The following ERICH1 variants were observed in gnomAD, a reference collection of about 807,000 sequenced individuals.
ERICH1 encodes the protein glutamate-rich protein 1.
A neutral mutation model predicts 39.6 loss-of-function variants in ERICH1; 56 were observed. That is an observed-to-expected ratio of 1.41 (90% confidence interval 1.14 to 1.77). The LOEUF is 1.77. Among genes scored for constraint, ERICH1 ranks in the 40% most tolerant of loss-of-function variants. The pLI is 0.00. For missense variants in ERICH1, 826 were observed against 575.4 expected, an observed-to-expected ratio of 1.44 and a Z score of -4.45; for synonymous variants, 313 against 223.6, an observed-to-expected ratio of 1.40 and a Z score of -3.57.
intron 3 of ERICH1, among the ~76,000 whole-genome samples, chr8:621,422 C>T (rs1000831637): frequency 6.6e-6 from 1 of 151,820 alleles, no homozygotes; most frequent in Admixed American, 6.6e-5. Flanking sequence ...CTTGATATAA[C>T]CATTTAACAA....
At chr8:638,805 G>T (rs1253732510) in intron 3 of ERICH1, among the ~76,000 whole-genome samples, 4 of 152,138 alleles carry the variant, frequency 2.6e-5, no homozygotes, top group Admixed American at 2.0e-4. Context: ...GACTCATTTT[G>T]ACCCCGGCCT....
At chr8:674,479 T>G (rs1337816638) in intron 3 of ERICH1, among the ~76,000 whole-genome samples, 1 of 152,124 alleles carries the variant, frequency 6.6e-6, no homozygotes, top group Non-Finnish European at 1.5e-5. Flanking sequence ...ATTTTTTTTA[T>G]TTTCAGTAGA....
In ERICH1 at chr8:673,434, C is replaced by G. The variant is rs377144371; in HGVS notation, c.918G>C (p.Pro306=). ...CACCCTCTTCCTCCCCAGCCCATGT[C>G]GGGTCTTCCTCGCTGGCGTCCGCAC... ...EDGADASEED[P]TWAGEEEGAD... The change falls in exon 4 of 6, where the codon CCG becomes CCC. Residue 306 remains proline, a synonymous_variant. Coordinates refer to ENST00000262109, the MANE Select transcript of ERICH1 (RefSeq NM_207332.3). 178 of 1,613,334 alleles carry G rather than the reference C, an allele frequency of 1.1e-4. No individual in the cohort carries two copies. Among genetic ancestry groups the G allele is most frequent in the Non-Finnish European group, 1.5e-4 (173 of 1,179,900 alleles).
Position 690,491 on chromosome 8 carries a change from G to T in ERICH1, c.304+1987C>A, listed in dbSNP as rs554199351. On this transcript the variant is annotated intron_variant, in intron 3 of 5. Coordinates refer to ENST00000262109, the MANE Select transcript of ERICH1 (RefSeq NM_207332.3). ...CAGGCCCTCAGCCTGTTGGAACCGG[G>T]ACCGGCAGACCCAAGGGCGCAGCAA... is the stretch of plus-strand genomic sequence containing the variant. Among the ~76,000 whole-genome samples, 3 of 152,372 alleles carry T rather than the reference G, an allele frequency of 2.0e-5. No homozygotes were observed. The South Asian group carries it at 6.2e-4, about 32-fold the overall frequency.
intron 1 of ERICH1, among the ~76,000 whole-genome samples, chr8:723,078 C>T (rs933100415): frequency 2.2e-4 from 33 of 152,308 alleles, no homozygotes; most frequent in Middle Eastern, 3.4e-3. Flanking sequence ...TTGGTGCCCA[C>T]CTCATGGTGA....
intron 2 of ERICH1, among the ~76,000 whole-genome samples, chr8:701,175 C>T (rs375537209): frequency 7.2e-5 from 11 of 152,228 alleles, no homozygotes; most frequent in African/African-American, 2.4e-4. Flanking sequence ...GGGTCTGCCC[C>T]GCCAGACGGG....
At chr8:692,359 C>A (rs1809088418) in intron 3 of ERICH1, 119 bp downstream of exon 3, 1 of 1,443,166 alleles carries the variant, frequency 6.9e-7, no homozygotes, top group East Asian at 2.3e-5. Flanking sequence ...TACAGTGTAA[C>A]AACATGCTCA....
At chr8:678,246 T>C (rs1331337605) in intron 3 of ERICH1, among the ~76,000 whole-genome samples, 1 of 152,154 alleles carries the variant, frequency 6.6e-6, no homozygotes, top group Non-Finnish European at 1.5e-5. Flanking sequence ...TCCTCCCAAT[T>C]TCTCTGATTT....
intron 1 of ERICH1, 59 bp downstream of exon 1, chr8:731,081 G>T: frequency 7.1e-7 from 1 of 1,403,266 alleles, no homozygotes. Flanking sequence ...TCAACACCGC[G>T]GTCTGAGCCG....
intron 2 of ERICH1, among the ~76,000 whole-genome samples, chr8:715,154 C>G (rs1429264536): frequency 4.0e-5 from 6 of 151,780 alleles, no homozygotes; most frequent in South Asian, 2.1e-4. Context: ...ATGTGCTGCA[C>G]CCAGGTGGCC....
intron 3 of ERICH1, among the ~76,000 whole-genome samples, chr8:688,059 G>A (rs183246260): frequency 6.6e-6 from 1 of 152,282 alleles, no homozygotes; most frequent in East Asian, 1.9e-4. Flanking sequence ...GCGGCGGCGC[G>A]CGGTCAAATT....
intron 3 of ERICH1, chr8:691,136 G>C (rs1585345368): frequency 6.6e-6 from 1 of 151,586 alleles, no homozygotes; most frequent in African/African-American, 2.4e-5. Context: ...CACAATTAGA[G>C]GGTGGGCTTT....
Position 673,684 on chromosome 8 carries a change from T to C in ERICH1, c.668A>G (p.Glu223Gly), listed in dbSNP as rs753162742. The C allele has an allele frequency of 1.3e-5, 21 of 1,613,790 alleles. No homozygotes were observed. Among genetic ancestry groups the C allele is most frequent in the East Asian group, 2.2e-5 (1 of 44,898 alleles). Residue 223 changes from glutamate to glycine, a missense_variant, in exon 4 of 6, where the codon GAG becomes GGG. Coordinates refer to ENST00000262109, the MANE Select transcript of ERICH1 (RefSeq NM_207332.3). ...CTCCCTGGTATCTTTAACGTCTTCC[T>C]CCCCGGCCAGTGTCGGGTCTTCCTC... ...TSEEDPTLAG[E>G]EDVKDTREED...
chr8:699,304 A>G (rs1434200638), intron 2 of ERICH1, among the ~76,000 whole-genome samples: 1 of 152,066 alleles, frequency 6.6e-6, no homozygotes, highest in Admixed American at 6.6e-5. Context: ...CGCCAGCCCC[A>G]CCAGAGGGCT....
downstream of ERICH1, among the ~76,000 whole-genome samples, chr8:662,681 A>C (rs757985867): frequency 1.3e-5 from 2 of 152,200 alleles, no homozygotes; most frequent in Non-Finnish European, 2.9e-5. Context: ...ATAAAAAAAG[A>C]AGCATTTAAA....
chr8:687,511 G>A (rs753400090), intron 3 of ERICH1, among the ~76,000 whole-genome samples: 2 of 152,388 alleles, frequency 1.3e-5, no homozygotes, highest in South Asian at 2.1e-4. Flanking sequence ...GGGCAGAGAA[G>A]GGGCCCGCTA....
In ERICH1 at chr8:642,969, G is replaced by A. The variant is rs148499441; in HGVS notation, c.976+25629C>T. Among the ~76,000 whole-genome samples the A allele has an allele frequency of 5.4e-4, 82 of 152,282 alleles. 1 individual carries two copies. Among genetic ancestry groups the A allele is most frequent in the African/African-American group, 1.9e-3 (78 of 41,548 alleles). On this transcript the variant is annotated intron_variant, in intron 3 of 3. Coordinates refer to the ERICH1 transcript ENST00000522706. The stretch of plus-strand genomic sequence containing the variant: ...GAGTGTGCAGGTGGGAGACGCCGCC[G>A]AGTCACTTGTTGGAACGTGGCCCGA...
intron 2 of ERICH1, among the ~76,000 whole-genome samples, chr8:698,626 T>C (rs1234884155): frequency 1.3e-5 from 2 of 152,140 alleles, no homozygotes; most frequent in African/African-American, 4.8e-5. Flanking sequence ...TTTTAAAAAA[T>C]TCTTTTAGAG....
rs982060055 is a variant in ERICH1, at chr8:620,109, C to T, written c.977-4825G>A. ...TGGGTGGATCACGAGGTCAGGAGTT[C>T]GAAACCAGCCTGATCAACATGGTGA... On this transcript the variant is annotated intron_variant, in intron 3 of 3. Transcript: ENST00000522706. Among the ~76,000 whole-genome samples, 4 of 151,176 alleles carry T rather than the reference C, an allele frequency of 2.6e-5. No homozygotes were observed. The South Asian group carries it at 6.2e-4, about 24-fold the overall frequency.
Sources: allele counts gnomAD v4.1 joint callset (sites outside exome capture counted in the v4.1 genomes callset), GRCh38; gene constraint gnomAD v4.1.1; transcripts MANE v1.5; gene names NCBI Gene and HGNC (gene_info 2026-07-23, HGNC 2026-07-21).